Variants in ST6GALNAC3 observed in about 807,000 individuals in gnomAD.
ST6GALNAC3 encodes ST6 N-acetylgalactosaminide alpha-2,6-sialyltransferase 3, also known as alpha-N-acetylgalactosaminide alpha-2,6-sialyltransferase 3.
ST6GALNAC3 carries 25 observed loss-of-function variants against 32.7 expected under a neutral mutation model. That is an observed-to-expected ratio of 0.76 (90% confidence interval 0.56 to 1.07). The LOEUF (loss-of-function observed/expected upper bound fraction) is 1.07. Among genes scored for constraint, ST6GALNAC3 ranks in the 50% least tolerant of loss-of-function variants. The pLI is 0.00. For missense variants in ST6GALNAC3, 355 were observed against 382.4 expected, an observed-to-expected ratio of 0.93 and a Z score of 0.60; for synonymous variants, 129 against 133.1, an observed-to-expected ratio of 0.97 and a Z score of 0.21.
At chr1:76,229,875 G>A (rs935881773) in intron 1 of ST6GALNAC3, among the ~76,000 whole-genome samples, 2 of 152,170 alleles carry the variant, frequency 1.3e-5, no homozygotes, top group East Asian at 3.9e-4. Flanking sequence ...TTCACATGGC[G>A]CCCAGTAGGG....
chr1:76,594,251 CAT>C (rs1647094752), intron 3 of ST6GALNAC3, among the ~76,000 whole-genome samples: 1 of 152,050 alleles, frequency 6.6e-6, no homozygotes, highest in South Asian at 2.1e-4. Context: ...TTTTTAGAGA[CAT>C]AGCAGTCTCA....
intron 3 of ST6GALNAC3, chr1:76,577,392 C>CGTTTTCACAAGAGCGAT: frequency 1.1e-6 from 1 of 911,568 alleles, no homozygotes; most frequent in Non-Finnish European, 1.3e-6. Context: ...GGAAATCGCT[C>CGTTTTCACAAGAGCGAT]TTGTGAAAAC....
chr1:76,511,942 C>T (rs1318634358), intron 3 of ST6GALNAC3, among the ~76,000 whole-genome samples: 2 of 152,140 alleles, frequency 1.3e-5, no homozygotes, highest in Non-Finnish European at 2.9e-5. Flanking sequence ...TCTAACTGTT[C>T]CTACAATTTG....
chr1:76,172,293 CA>C (rs1652569059), intron 1 of ST6GALNAC3, among the ~76,000 whole-genome samples: 1 of 152,152 alleles, frequency 6.6e-6, no homozygotes, highest in East Asian at 1.9e-4. Context: ...CAACATTCTT[CA>C]TGTTAAAAAC....
intron 3 of ST6GALNAC3, among the ~76,000 whole-genome samples, chr1:76,482,055 G>A (rs2101658317): frequency 6.6e-6 from 1 of 152,100 alleles, no homozygotes; most frequent in African/African-American, 2.4e-5. Flanking sequence ...AAGGCACACA[G>A]AATTTCCTTT....
intron 1 of ST6GALNAC3, among the ~76,000 whole-genome samples, chr1:76,100,800 G>GTT (rs35416159): frequency 4.5e-4 from 64 of 141,596 alleles, no homozygotes; most frequent in Non-Finnish European, 9.0e-4. Flanking sequence ...ATCAGAATCT[G>GTT]TTTTTTTTTT....
intron 2 of ST6GALNAC3, among the ~76,000 whole-genome samples, chr1:76,373,684 G>A (rs762435479): frequency 6.6e-6 from 1 of 152,078 alleles, no homozygotes; most frequent in Non-Finnish European, 1.5e-5. Context: ...CATAAATTTG[G>A]TTCAGGTACA....
At chr1:76,281,381 C>T (rs959803863) in intron 1 of ST6GALNAC3, among the ~76,000 whole-genome samples, 8 of 152,184 alleles carry the variant, frequency 5.3e-5, no homozygotes, top group Admixed American at 3.9e-4. Flanking sequence ...CATTTGGTTC[C>T]ACCCTGAGAG....
intron 3 of ST6GALNAC3, among the ~76,000 whole-genome samples, chr1:76,459,074 C>T (rs1167350010): frequency 6.6e-6 from 1 of 152,060 alleles, no homozygotes; most frequent in Admixed American, 6.6e-5. Flanking sequence ...TTATGTGCCT[C>T]CCAGCATATT....
At chr1:76,399,054 T>G (rs950878466) in intron 2 of ST6GALNAC3, among the ~76,000 whole-genome samples, 1 of 152,208 alleles carries the variant, frequency 6.6e-6, no homozygotes, top group Admixed American at 6.5e-5. Flanking sequence ...ATGCCAATTT[T>G]TTATTGTTTT....
chr1:76,116,536 T>C (rs1342995542), intron 1 of ST6GALNAC3, among the ~76,000 whole-genome samples: 1 of 152,012 alleles, frequency 6.6e-6, no homozygotes, highest in Non-Finnish European at 1.5e-5. Flanking sequence ...TTGGGGGTGT[T>C]GGAATTGGAT....
At position 76,414,296 on chromosome 1, in the gene ST6GALNAC3, C is replaced by T. The variant is rs188700834; in HGVS notation, c.623+1879C>T. Among the ~76,000 whole-genome samples the T allele has an allele frequency of 4.9e-3, 753 of 152,154 alleles. 3 individuals are homozygous for T. The highest frequency in any genetic ancestry group is 0.02 in the Middle Eastern group (6 of 294). On this transcript the variant is annotated intron_variant, in intron 3 of 4. Transcript: ENST00000328299. ...AGAAATATGGTTTCAGTTTATGGTG[C>T]ATTCTTATCTTTTTCACTGAGTCTA... is the stretch of plus-strand genomic sequence containing the variant.
chr1:76,156,807 C>T (rs1651462629), intron 1 of ST6GALNAC3, among the ~76,000 whole-genome samples: 1 of 152,212 alleles, frequency 6.6e-6, no homozygotes, highest in Admixed American at 6.5e-5. Context: ...TCTTGGCTCA[C>T]TGCAAGCTCC....
rs1211546000 is a variant in ST6GALNAC3 at position 76,400,912 on chromosome 1, A to AG, written c.214-11096_214-11095insG. Among the ~76,000 whole-genome samples, 21 of 151,818 alleles carry AG rather than the reference A, an allele frequency of 1.4e-4. No homozygotes were observed. The East Asian group carries it at 3.9e-3, about 28-fold the overall frequency. The stretch of plus-strand genomic sequence containing the variant: ...CTCTGTCTCAAAAAAGAAAAAAAAA[A>AG]AGAATGGAAGATACTTAAAACACTT... On this transcript the variant is annotated intron_variant, in intron 2 of 4. Coordinates refer to ENST00000328299, the MANE Select transcript of ST6GALNAC3 (RefSeq NM_152996.4).
At chr1:76,184,132 T>C (rs1324683860) in intron 1 of ST6GALNAC3, among the ~76,000 whole-genome samples, 2 of 152,106 alleles carry the variant, frequency 1.3e-5, no homozygotes, top group African/African-American at 4.8e-5. Flanking sequence ...AACTGTGTTA[T>C]TGATTACCCC....
intron 3 of ST6GALNAC3, among the ~76,000 whole-genome samples, chr1:76,505,550 C>A (rs1289573857): frequency 6.6e-6 from 1 of 152,158 alleles, no homozygotes; most frequent in Non-Finnish European, 1.5e-5. Context: ...TAAATAGCTC[C>A]AAGCAAAACC....
At chr1:76,420,541 G>A (rs1398814202) in intron 3 of ST6GALNAC3, among the ~76,000 whole-genome samples, 6 of 152,076 alleles carry the variant, frequency 3.9e-5, no homozygotes, top group East Asian at 1.9e-4. Context: ...CTAGCATAGC[G>A]GTGGTTAGCC....
At chr1:76,280,833 A>C (rs972503265) in intron 1 of ST6GALNAC3, among the ~76,000 whole-genome samples, 2 of 152,242 alleles carry the variant, frequency 1.3e-5, no homozygotes, top group East Asian at 3.8e-4. Flanking sequence ...ATATTCATTT[A>C]CAAATTGATC....
At chr1:76,411,774 G>C (rs1654254677) in intron 2 of ST6GALNAC3, among the ~76,000 whole-genome samples, 1 of 152,034 alleles carries the variant, frequency 6.6e-6, no homozygotes, top group Non-Finnish European at 1.5e-5. Flanking sequence ...ACCAGGGCGT[G>C]GGGATTATAG....
Sources: gnomAD v4.1 joint callset for allele counts (sites outside exome capture counted in the v4.1 genomes callset) on GRCh38, gnomAD v4.1.1 for gene constraint, MANE v1.5 for transcripts, NCBI Gene and HGNC (gene_info 2026-07-23, HGNC 2026-07-21) for gene names.